Variants in DEFB134 observed in about 807,000 individuals in gnomAD.
DEFB134 encodes the protein beta-defensin 134.
A neutral mutation model predicts 7.4 loss-of-function variants in DEFB134; 7 were observed. The observed-to-expected ratio is 0.95, with a 90% CI of 0.54 to 1.79. The LOEUF is 1.79. Ranked by LOEUF, DEFB134 falls within the 40% of genes most tolerant of loss-of-function variation. The pLI is 0.00. For synonymous variants in DEFB134, 33 were observed against 25.0 expected, an observed-to-expected ratio of 1.32 and a Z score of -0.96; for missense variants, 105 against 74.8, an observed-to-expected ratio of 1.40 and a Z score of -1.49.
At chr8:11,997,259 C>T (rs556090167), upstream of DEFB134, among the ~76,000 whole-genome samples, 1 of 152,172 alleles carries the variant, frequency 6.6e-6, no homozygotes, top group East Asian at 1.9e-4. Context: ...GTTGTTCATT[C>T]CTTTTCATTG....
At chr8:11,998,026 G>A (rs1261777669), upstream of DEFB134, among the ~76,000 whole-genome samples, 4 of 152,068 alleles carry the variant, frequency 2.6e-5, no homozygotes, top group Admixed American at 1.3e-4. Context: ...TTCTCAGACC[G>A]CAATGCAATA....
upstream of DEFB134, among the ~76,000 whole-genome samples, chr8:11,997,366 C>T (rs1475793599): frequency 6.6e-6 from 1 of 152,146 alleles, no homozygotes; most frequent in African/African-American, 2.4e-5. Context: ...GAAAATAAAG[C>T]TGCTATGGAC....
exon 2 of DEFB134, chr8:11,993,378 G>T (rs1295088293): frequency 1.3e-5 from 2 of 152,248 alleles, no homozygotes; most frequent in Non-Finnish European, 2.9e-5. Context: ...CAGGTGGGAA[G>T]TTCCATTGCT....
chr8:11,996,348 T>G (rs535196158), upstream of DEFB134: 3 of 1,392,054 alleles, frequency 2.2e-6, no homozygotes, highest in East Asian at 6.9e-5. Context: ...TATACAAACC[T>G]CTCAGGGCTG....
At chr8:11,997,330 T>C (rs1390582710), upstream of DEFB134, among the ~76,000 whole-genome samples, 1 of 152,220 alleles carries the variant, frequency 6.6e-6, no homozygotes, top group East Asian at 1.9e-4. Context: ...TGATTGATGT[T>C]TGATTATTTC....
At chr8:12,000,266 C>G (rs1434694725), upstream of DEFB134, among the ~76,000 whole-genome samples, 2 of 152,010 alleles carry the variant, frequency 1.3e-5, no homozygotes, top group African/African-American at 4.8e-5. Context: ...ACAATTGTTA[C>G]TATATCAATT....
chr8:11,999,317 GA>G, upstream of DEFB134: 1 of 222,068 alleles, frequency 4.5e-6, no homozygotes, highest in South Asian at 8.5e-5. Flanking sequence ...AAAAGACCTG[GA>G]AACCTCAACC....
At chr8:11,999,732 G>A (rs1452919427), upstream of DEFB134, among the ~76,000 whole-genome samples, 5 of 152,184 alleles carry the variant, frequency 3.3e-5, no homozygotes, top group East Asian at 1.9e-4. Context: ...CTGGCTCAGC[G>A]TCTGGTTCAC....
chr8:11,999,322 C>T (rs74923373), upstream of DEFB134: 1,493 of 222,848 alleles, frequency 6.7e-3, 23 homozygotes, highest in African/African-American at 0.032. Flanking sequence ...ACCTGGAAAC[C>T]TCAACCTCAG....
At chr8:11,997,123 T>A (rs1800146427), upstream of DEFB134, among the ~76,000 whole-genome samples, 1 of 152,232 alleles carries the variant, frequency 6.6e-6, no homozygotes, top group South Asian at 2.1e-4. Flanking sequence ...CTGCTGACAC[T>A]ATAGATTACT....
chr8:11,994,163 T>A, intron 1 of DEFB134, 41 bp from the exon 3 acceptor site: 1 of 1,562,128 alleles, frequency 6.4e-7, no homozygotes, highest in Non-Finnish European at 8.6e-7. Context: ...ACTACAGGCC[T>A]TTTTGGACCA....
chr8:11,998,458 A>C (rs1474570754), upstream of DEFB134, among the ~76,000 whole-genome samples: 1 of 152,038 alleles, frequency 6.6e-6, no homozygotes, highest in Non-Finnish European at 1.5e-5. Flanking sequence ...CTTAAAAAAA[A>C]AATAAAAAAA....
At chr8:11,995,545 G>A (rs1211561857) in intron 1 of DEFB134, among the ~76,000 whole-genome samples, 2 of 152,158 alleles carry the variant, frequency 1.3e-5, no homozygotes, top group Admixed American at 6.5e-5. Context: ...TGTCTCCCTG[G>A]CTGCTATCTC....
rs780324690 is a variant in DEFB134 at position 11,994,113 on chromosome 8, G to A, written c.68C>T (p.Ser23Leu). The A allele has an allele frequency of 8.3e-5, 133 of 1,611,190 alleles. 3 individuals carry two copies. The South Asian group carries it at 1.4e-3, about 17-fold the overall frequency. Residue 23 changes from serine to leucine, a missense_variant, in exon 2 of 2, where the codon TCA (serine) becomes TTA (leucine). Transcript: ENST00000526438. ...TTTCTTGTGCATTTCTGATGATAATGAATTTATACCTGGAAGGAAAATGAA... is the reference window on the plus strand; with the variant it reads ...TTTCTTGTGCATTTCTGATGATAATAAATTTATACCTGGAAGGAAAATGAA...
At chr8:11,995,792 T>C (rs147759907) in intron 1 of DEFB134, among the ~76,000 whole-genome samples, 1 of 152,310 alleles carries the variant, frequency 6.6e-6, no homozygotes, top group East Asian at 1.9e-4. Context: ...AGGATGGGCA[T>C]TACTAATGAA....
exon 2 of DEFB134, chr8:11,993,670 C>A: frequency 4.2e-6 from 1 of 238,758 alleles, no homozygotes; most frequent in East Asian, 8.1e-5. Flanking sequence ...CCCTTGAAGC[C>A]TTTCTAAATA....
intron 1 of DEFB134, among the ~76,000 whole-genome samples, chr8:11,995,053 G>A (rs1342442018): frequency 2.0e-5 from 3 of 152,150 alleles, no homozygotes; most frequent in African/African-American, 4.8e-5. Flanking sequence ...TGTCCTACAT[G>A]AACAAGAAGG....
chr8:11,998,794 G>C (rs770404364), upstream of DEFB134, among the ~76,000 whole-genome samples: 1 of 152,070 alleles, frequency 6.6e-6, no homozygotes, highest in Non-Finnish European at 1.5e-5. Context: ...TATTTAGACT[G>C]CTAGCTAGAC....
upstream of DEFB134, among the ~76,000 whole-genome samples, chr8:11,997,612 A>C (rs1370746056): frequency 6.6e-6 from 1 of 152,240 alleles, no homozygotes; most frequent in Non-Finnish European, 1.5e-5. Context: ...CAATGATCAA[A>C]AAGGACAAAG....
Sources: gnomAD v4.1 joint callset for allele counts (sites outside exome capture counted in the v4.1 genomes callset) on GRCh38, gnomAD v4.1.1 for gene constraint, MANE v1.5 for transcripts, NCBI Gene and HGNC (gene_info 2026-07-23, HGNC 2026-07-21) for gene names.